SLIT3: variants seen among roughly 807,000 people sequenced by gnomAD.
SLIT3 encodes slit homolog 3 protein.
Under a neutral mutation model 184.0 loss-of-function variants are expected in SLIT3, and 68 were observed. The observed-to-expected ratio is 0.37, with a 90% CI of 0.30 to 0.45. The LOEUF (loss-of-function observed/expected upper bound fraction) is 0.45, where lower values mean the gene tolerates loss of function less well. Ranked by LOEUF, SLIT3 falls within the 20% of genes least tolerant of loss-of-function variation. SLIT3 has a pLI of 1.00. For missense variants in SLIT3, 1,707 were observed against 2,026.0 expected (o/e 0.84, Z 3.02); for synonymous variants, 831 against 828.6 (o/e 1.00, Z -0.05).
At chr5:168,740,173 C>A (rs1763576975) in intron 20 of SLIT3, among the ~76,000 whole-genome samples, 1 of 152,110 alleles carries the variant, frequency 6.6e-6, no homozygotes, top group Admixed American at 6.6e-5. Flanking sequence ...GATTTGGGGT[C>A]AGACAAAGAG....
intron 3 of SLIT3, among the ~76,000 whole-genome samples, chr5:169,221,795 C>G (rs1764627187): frequency 6.6e-6 from 1 of 152,206 alleles, no homozygotes; most frequent in African/African-American, 2.4e-5. Context: ...GTGGGATGTG[C>G]ACACTTCACT....
intron 6 of SLIT3, among the ~76,000 whole-genome samples, chr5:168,841,639 T>C (rs1188315242): frequency 2.0e-5 from 3 of 152,196 alleles, no homozygotes; most frequent in Non-Finnish European, 2.9e-5. Flanking sequence ...TCACCTCCAA[T>C]GTTCTCATTC....
chr5:169,292,415 T>G (rs1268276569), intron 1 of SLIT3, among the ~76,000 whole-genome samples: 1 of 152,104 alleles, frequency 6.6e-6, no homozygotes, highest in Non-Finnish European at 1.5e-5. Context: ...TTTAGCAAGC[T>G]GAAGAATTAA....
intron 4 of SLIT3, among the ~76,000 whole-genome samples, chr5:169,167,868 G>A: frequency 6.6e-6 from 1 of 152,166 alleles, no homozygotes; most frequent in Non-Finnish European, 1.5e-5. Flanking sequence ...CAGGGTCTCT[G>A]GCCACTGGCC....
intron 5 of SLIT3, among the ~76,000 whole-genome samples, chr5:168,845,749 A>G (rs376176543): frequency 1.3e-5 from 2 of 152,190 alleles, no homozygotes; most frequent in Non-Finnish European, 2.9e-5. Flanking sequence ...AACCATAAAA[A>G]ACAACAAAAA....
chr5:169,169,034 G>C (rs541459330), intron 4 of SLIT3, among the ~76,000 whole-genome samples: 3 of 92,772 alleles, frequency 3.2e-5, no homozygotes, highest in South Asian at 6.6e-4. Context: ...GGTCAGCCCA[G>C]AGTGGGGGGG....
chr5:169,230,339 T>C (rs1764960034), intron 3 of SLIT3, among the ~76,000 whole-genome samples: 1 of 152,128 alleles, frequency 6.6e-6, no homozygotes, highest in South Asian at 2.1e-4. Context: ...ATGCTCTGAA[T>C]CTCTGCATAC....
At chr5:169,274,049 C>T (rs139489234) in intron 1 of SLIT3, among the ~76,000 whole-genome samples, 1,667 of 152,274 alleles carry the variant, frequency 0.011, 15 homozygotes, top group Middle Eastern at 0.024. Context: ...CATCATAATC[C>T]CCCAAATGGG....
chr5:169,212,060 T>C (rs1764283478), intron 3 of SLIT3, among the ~76,000 whole-genome samples: 1 of 152,224 alleles, frequency 6.6e-6, no homozygotes, highest in Admixed American at 6.5e-5. Context: ...TTTGCTATTG[T>C]GAATAGTGCT....
chr5:168,752,764 G>C (rs530075658), intron 18 of SLIT3, 191 bp downstream of exon 18: 72 of 590,350 alleles, frequency 1.2e-4, no homozygotes, highest in Admixed American at 1.1e-3. Context: ...TGAGTTCCAG[G>C]AAGGAGGGGC....
intron 5 of SLIT3, chr5:168,844,918 T>A: frequency 4.6e-6 from 2 of 436,744 alleles, no homozygotes; most frequent in Non-Finnish European, 8.3e-6. Flanking sequence ...TTTTTTTTTT[T>A]AGGCAGAAGG....
intron 3 of SLIT3, among the ~76,000 whole-genome samples, chr5:169,205,589 C>T (rs1036586802): frequency 6.6e-5 from 10 of 152,116 alleles, no homozygotes; most frequent in African/African-American, 1.7e-4. Context: ...GTTGGTTCAT[C>T]GGTTGGTTGG....
At chr5:169,108,128 T>C (rs929766954) in intron 4 of SLIT3, among the ~76,000 whole-genome samples, 2 of 152,236 alleles carry the variant, frequency 1.3e-5, no homozygotes, top group African/African-American at 4.8e-5. Flanking sequence ...AGGTTTAATG[T>C]AGCTACTCAA....
intron 5 of SLIT3, among the ~76,000 whole-genome samples, chr5:168,869,161 T>G (rs1191923085): frequency 1.3e-5 from 2 of 152,230 alleles, no homozygotes. Flanking sequence ...ATTTACTGAT[T>G]TTTTGAAACC....
intron 11 of SLIT3, among the ~76,000 whole-genome samples, chr5:168,788,087 C>A (rs539868639): frequency 2.6e-5 from 4 of 152,024 alleles, no homozygotes; most frequent in Non-Finnish European, 4.4e-5. Flanking sequence ...CCTTTTCCTA[C>A]GAGACAGGAA....
intron 4 of SLIT3, among the ~76,000 whole-genome samples, chr5:169,141,985 G>C (rs1248938408): frequency 6.6e-6 from 1 of 151,422 alleles, no homozygotes; most frequent in African/African-American, 2.4e-5. Flanking sequence ...GGGAGGCAGA[G>C]CTTGCAGTGA....
At position 168,785,948 on chromosome 5, in the gene SLIT3, A is replaced by T; in HGVS notation, c.1110T>A (p.Ile370=). 1 of 1,612,818 alleles carries T rather than the reference A, an allele frequency of 6.2e-7. No homozygotes were observed. Among genetic ancestry groups the T allele is most frequent in the Non-Finnish European group, 8.5e-7 (1 of 1,178,984 alleles). ...LVLYGNKITE[I]VKGLFDGLVS... ...CCAGCCCATCAAACAGTCCCTTGAC[A>T]ATCTCGGTGATCTTGTTCCCATACA... The change falls in exon 12 of 36, where the codon ATT becomes ATA. Residue 370 remains isoleucine, a synonymous_variant. Transcript: ENST00000519560.
Position 168,685,864 on chromosome 5 carries a change from G to C in SLIT3, c.3378C>G (p.Tyr1126Ter). 6.2e-7 allele frequency: 1 copy of C among 1,613,902 alleles called. No individual in the cohort carries two copies. Among genetic ancestry groups the C allele is most frequent in the Non-Finnish European group, 8.5e-7 (1 of 1,180,014 alleles). ...TGCACTGGGCCCCGTTCTGGCACTC[G>C]TACTGGTCGCATGGGCTGGTCTGCA... is the stretch of plus-strand genomic sequence containing the variant. The part of the protein sequence containing the change: ...VLLQTSPCDQ[Y>*]ECQNGAQCIV... Residue 1126 changes from tyrosine to a stop codon, truncating the protein, a stop_gained, in exon 31 of 36, where the codon TAC (tyrosine) becomes TAG (stop). Coordinates refer to ENST00000519560, the MANE Select transcript of SLIT3 (RefSeq NM_003062.4). LOFTEE classifies it high-confidence loss of function.
chr5:168,803,091 G>A (rs1756826546), intron 9 of SLIT3, among the ~76,000 whole-genome samples: 1 of 152,200 alleles, frequency 6.6e-6, no homozygotes, highest in Admixed American at 6.5e-5. Context: ...TCAAAGACAA[G>A]GTGGTGACAA....
Sources: allele counts gnomAD v4.1 joint callset (sites outside exome capture counted in the v4.1 genomes callset), GRCh38; gene constraint gnomAD v4.1.1; transcripts MANE v1.5; gene names NCBI Gene and HGNC (gene_info 2026-07-23, HGNC 2026-07-21).